The following ANGPT1 variants were observed in gnomAD, a reference collection of about 807,000 sequenced individuals.
ANGPT1 encodes angiopoietin-1.
Under a neutral mutation model 62.2 loss-of-function variants are expected in ANGPT1, and 17 were observed. The ratio of observed to expected loss-of-function variants is 0.27; its 90% confidence interval spans 0.19 to 0.41. ANGPT1 has a LOEUF of 0.41. ANGPT1 is among the 10% of genes least tolerant of loss of function. ANGPT1 has a pLI of 1.00. For missense variants in ANGPT1, 478 were observed against 594.9 expected, an observed-to-expected ratio of 0.80 and a Z score of 2.04; for synonymous variants, 199 against 198.9, an observed-to-expected ratio of 1.00 and a Z score of 0.00.
intron 1 of ANGPT1, among the ~76,000 whole-genome samples, chr8:107,444,729 AATG>A (rs1247334878): frequency 6.6e-6 from 1 of 152,156 alleles, no homozygotes; most frequent in African/African-American, 2.4e-5. Flanking sequence ...ATTACTTCAC[AATG>A]ATGAGAGTGA....
chr8:107,354,274 G>A lies in ANGPT1; in HGVS notation c.298-7177C>T, dbSNP rs189979219. On this transcript the variant is annotated intron_variant, in intron 1 of 8. Transcript: ENST00000517746. ...CATGGAACCTCAAGCATATTTGCAC[G>A]TCTGCTTAATTTTTTCCTTTACCTT... 1.0e-3 allele frequency among the ~76,000 whole-genome samples: 154 copies of A among 152,166 alleles called. 2 individuals are homozygous for A. Among genetic ancestry groups the A allele is most frequent in the Admixed American group, 9.9e-3 (151 of 15,276 alleles).
At chr8:107,451,745 C>G (rs933359529) in intron 1 of ANGPT1, among the ~76,000 whole-genome samples, 6 of 151,978 alleles carry the variant, frequency 3.9e-5, no homozygotes, top group Admixed American at 2.6e-4. Context: ...CTATAGTAAT[C>G]TCTTGTTGAA....
chr8:107,260,212 A>G (rs1813460420), intron 8 of ANGPT1, among the ~76,000 whole-genome samples: 1 of 152,134 alleles, frequency 6.6e-6, no homozygotes, highest in Non-Finnish European at 1.5e-5. Context: ...TCTTTTACCG[A>G]TAAGGGTAAT....
chr8:107,332,249 C>T (rs1263749333), intron 3 of ANGPT1, among the ~76,000 whole-genome samples: 1 of 152,168 alleles, frequency 6.6e-6, no homozygotes, highest in Non-Finnish European at 1.5e-5. Flanking sequence ...TTCCCATTTA[C>T]TTAGGTTCTT....
At chr8:107,333,251 G>A (rs1170450590) in intron 3 of ANGPT1, among the ~76,000 whole-genome samples, 2 of 151,936 alleles carry the variant, frequency 1.3e-5, no homozygotes, top group African/African-American at 4.8e-5. Flanking sequence ...TAGGCCCTTA[G>A]ACAAGAAGAT....
intron 1 of ANGPT1, among the ~76,000 whole-genome samples, chr8:107,479,184 T>C (rs1429434287): frequency 6.6e-6 from 1 of 152,144 alleles, no homozygotes; most frequent in Non-Finnish European, 1.5e-5. Flanking sequence ...GTGCAAGGTA[T>C]TGAAACAAAT....
intron 1 of ANGPT1, among the ~76,000 whole-genome samples, chr8:107,422,417 C>G (rs1810916776): frequency 6.6e-6 from 1 of 152,180 alleles, no homozygotes; most frequent in African/African-American, 2.4e-5. Context: ...GCAGTTGTCC[C>G]ATAGTGTTCA....
chr8:107,467,991 T>G (rs1279669014), intron 1 of ANGPT1, among the ~76,000 whole-genome samples: 1 of 152,100 alleles, frequency 6.6e-6, no homozygotes, highest in Non-Finnish European at 1.5e-5. Flanking sequence ...AAAGCTACTT[T>G]TATACCACAT....
chr8:107,254,918 A>T (rs550089169), intron 8 of ANGPT1, among the ~76,000 whole-genome samples: 2 of 152,290 alleles, frequency 1.3e-5, no homozygotes, highest in South Asian at 4.1e-4. Flanking sequence ...TGTTTAATCA[A>T]ACATGGTTTA....
chr8:107,317,240 T>G, intron 4 of ANGPT1, among the ~76,000 whole-genome samples: 1 of 152,264 alleles, frequency 6.6e-6, no homozygotes, highest in Non-Finnish European at 1.5e-5. Context: ...ACATCTTTTC[T>G]TCTTCCCAGT....
intron 5 of ANGPT1, among the ~76,000 whole-genome samples, chr8:107,300,621 C>T (rs900593849): frequency 2.0e-5 from 3 of 151,856 alleles, no homozygotes; most frequent in African/African-American, 7.2e-5. Context: ...TCTGAAAAGC[C>T]ATGGTGGCCA....
At chr8:107,423,005 AGGG>A (rs1810931468) in intron 1 of ANGPT1, among the ~76,000 whole-genome samples, 1 of 152,206 alleles carries the variant, frequency 6.6e-6, no homozygotes, top group Non-Finnish European at 1.5e-5. Context: ...ATTTCACAAA[AGGG>A]ATTAATATTA....
chr8:107,288,570 G>C (rs781665637), intron 6 of ANGPT1, among the ~76,000 whole-genome samples: 1 of 152,130 alleles, frequency 6.6e-6, no homozygotes, highest in Non-Finnish European at 1.5e-5. Context: ...GGTGGACTCA[G>C]AGGGAGAGCT....
At chr8:107,260,723 T>G (rs1345810184) in intron 8 of ANGPT1, among the ~76,000 whole-genome samples, 2 of 152,226 alleles carry the variant, frequency 1.3e-5, no homozygotes, top group African/African-American at 4.8e-5. Flanking sequence ...AAGGGACATT[T>G]GATAAGGTAA....
At chr8:107,431,553 G>A (rs1811188145) in intron 1 of ANGPT1, among the ~76,000 whole-genome samples, 1 of 152,136 alleles carries the variant, frequency 6.6e-6, no homozygotes, top group Admixed American at 6.5e-5. Context: ...CCTCTTCCAG[G>A]AATGTCTTCA....
intron 1 of ANGPT1, among the ~76,000 whole-genome samples, chr8:107,408,438 A>G (rs1422174850): frequency 1.3e-5 from 2 of 152,164 alleles, no homozygotes; most frequent in Admixed American, 6.6e-5. Context: ...GATGTATTTT[A>G]GAGAGAAAAA....
At chr8:107,404,817 T>C (rs887421711) in intron 1 of ANGPT1, among the ~76,000 whole-genome samples, 3 of 152,248 alleles carry the variant, frequency 2.0e-5, no homozygotes, top group Middle Eastern at 3.4e-3. Context: ...CAGGCAGCAG[T>C]GTTTGAAGAG....
At chr8:107,321,523 C>T (rs1815148615) in intron 4 of ANGPT1, among the ~76,000 whole-genome samples, 1 of 152,074 alleles carries the variant, frequency 6.6e-6, no homozygotes, top group African/African-American at 2.4e-5. Flanking sequence ...GAAACTCTCC[C>T]AGCACTATGA....
intron 2 of ANGPT1, among the ~76,000 whole-genome samples, chr8:107,340,715 A>T (rs1201119730): frequency 6.6e-6 from 1 of 151,510 alleles, no homozygotes. Context: ...GCTGGTCTCA[A>T]ACTCCTGGGT....
Sources: gnomAD v4.1 joint callset for allele counts (sites outside exome capture counted in the v4.1 genomes callset) on GRCh38, gnomAD v4.1.1 for gene constraint, MANE v1.5 for transcripts, NCBI Gene and HGNC (gene_info 2026-07-23, HGNC 2026-07-21) for gene names.